CDYL: variants seen among roughly 807,000 people sequenced by gnomAD.
CDYL encodes the protein chromodomain Y like, also known as chromodomain Y-like protein.
CDYL carries 8 observed loss-of-function variants against 47.3 expected under a neutral mutation model. The observed-to-expected ratio is 0.17, with a 90% confidence interval of 0.10 to 0.31. CDYL has a LOEUF of 0.31. CDYL is among the 10% of genes least tolerant of loss of function. The pLI, the probability that CDYL is intolerant of heterozygous loss-of-function variation, is 1.00. For synonymous variants in CDYL, 266 were observed against 265.0 expected (o/e 1.00, Z -0.04); for missense variants, 471 against 701.4 (o/e 0.67, Z 3.71).
At chr6:4,806,585 C>CT (rs1759377331) in intron 1 of CDYL, among the ~76,000 whole-genome samples, 1 of 152,178 alleles carries the variant, frequency 6.6e-6, no homozygotes, top group Non-Finnish European at 1.5e-5. Context: ...TTGGGAGGAG[C>CT]TATGCAGGCT....
intron 2 of CDYL, among the ~76,000 whole-genome samples, chr6:4,908,970 C>T (rs985423624): frequency 2.0e-5 from 3 of 152,186 alleles, no homozygotes; most frequent in Admixed American, 6.5e-5. Flanking sequence ...TTAGACTAGA[C>T]GTGGGATTTA....
At chr6:4,763,706 G>A (rs1041606717) in intron 3 of CDYL, among the ~76,000 whole-genome samples, 4 of 152,160 alleles carry the variant, frequency 2.6e-5, no homozygotes, top group Admixed American at 6.6e-5. Flanking sequence ...ACTTTGGGAG[G>A]CCAACATGGG....
At chr6:4,709,657 GTC>G (rs1305465048) in intron 1 of CDYL, among the ~76,000 whole-genome samples, 2 of 152,142 alleles carry the variant, frequency 1.3e-5, no homozygotes, top group Non-Finnish European at 2.9e-5. Context: ...GGGAACCTCT[GTC>G]TCTCTATTCT....
At chr6:4,911,418 A>G (rs1757412090) in intron 2 of CDYL, among the ~76,000 whole-genome samples, 1 of 152,232 alleles carries the variant, frequency 6.6e-6, no homozygotes, top group Admixed American at 6.5e-5. Flanking sequence ...ATAACTGTGC[A>G]CGGTAATGAG....
At chr6:4,917,173 G>A (rs74699274) in intron 2 of CDYL, among the ~76,000 whole-genome samples, 4,886 of 152,268 alleles carry the variant, frequency 0.032, 86 homozygotes, top group Middle Eastern at 0.082. Flanking sequence ...GAGTGTCTAT[G>A]TGTGTGTTGG....
At position 4,801,356 on chromosome 6, in the gene CDYL, G is replaced by A. The variant is rs1040328708; in HGVS notation, c.24+24549G>A. ...TGAAGTCTGTTAAATCCAACATTTC[G>A]GCTCACTTGGAATCAGTTTCTGTTG... On this transcript the variant is annotated intron_variant, in intron 1 of 6. Coordinates refer to ENST00000397588, the MANE Select transcript of CDYL (RefSeq NM_004824.4). Among the ~76,000 whole-genome samples the A allele has an allele frequency of 2.0e-5, 3 of 152,074 alleles. 1 individual carries two copies. The highest frequency in any genetic ancestry group is 3.9e-4 in the East Asian group (2 of 5,172).
At position 4,727,347 on chromosome 6, in the gene CDYL, A is replaced by C. The variant is rs375455453; in HGVS notation, c.104-7415A>C. ...GGAAGCTCATGGATGTATGCAGAGG[A>C]ACTTAAGAACTCCTCTCAAACACTG... On this transcript the variant is annotated intron_variant, in intron 2 of 8. Transcript: ENST00000328908. 5.9e-5 allele frequency among the ~76,000 whole-genome samples: 9 copies of C among 152,240 alleles called. No homozygotes were observed. In the East Asian group the frequency reaches 1.2e-3, roughly 20 times the overall value.
chr6:4,808,980 GCTGTGCA>G (rs1232605974), intron 1 of CDYL, among the ~76,000 whole-genome samples: 6 of 152,138 alleles, frequency 3.9e-5, no homozygotes, highest in Non-Finnish European at 7.3e-5. Context: ...AAGCGTGAGA[GCTGTGCA>G]CCAGGGTATA....
intron 1 of CDYL, among the ~76,000 whole-genome samples, chr6:4,844,511 C>T (rs1760596640): frequency 6.6e-6 from 1 of 152,102 alleles, no homozygotes; most frequent in African/African-American, 2.4e-5. Flanking sequence ...GAGGTGAGTC[C>T]CCACACGCTG....
chr6:4,788,715 CT>C lies in CDYL; in HGVS notation c.24+11911del, dbSNP rs1451384082. 3.3e-5 allele frequency among the ~76,000 whole-genome samples: 5 copies of C among 151,554 alleles called. No homozygotes were observed. The East Asian group carries it at 9.7e-4, about 29-fold the overall frequency. On this transcript the variant is annotated intron_variant, in intron 1 of 6. Transcript: ENST00000397588. ...AACTGTAAGGATGGAAATTCCAATC[CT>C]TTCTGTGCTTCCCCACCACCATTCG...
chr6:4,757,766 G>T (rs947207954), intron 3 of CDYL, among the ~76,000 whole-genome samples: 1 of 152,222 alleles, frequency 6.6e-6, no homozygotes, highest in East Asian at 1.9e-4. Context: ...GCCAGGTGTG[G>T]TAGTTCATGC....
chr6:4,858,413 C>T (rs1205467060), intron 1 of CDYL, among the ~76,000 whole-genome samples: 1 of 152,206 alleles, frequency 6.6e-6, no homozygotes, highest in East Asian at 1.9e-4. Context: ...CACACCCAAA[C>T]ACTTCCACTA....
intron 3 of CDYL, among the ~76,000 whole-genome samples, chr6:4,767,562 G>A (rs1321479159): frequency 1.3e-5 from 2 of 150,882 alleles, no homozygotes; most frequent in Non-Finnish European, 3.0e-5. Context: ...GACAGAGTAA[G>A]ACACCCTCGA....
intron 1 of CDYL, among the ~76,000 whole-genome samples, chr6:4,849,373 AC>A (rs1347543331): frequency 6.6e-6 from 1 of 152,204 alleles, no homozygotes; most frequent in African/African-American, 2.4e-5. Flanking sequence ...ATGAAAACAT[AC>A]CTTAATGATT....
intron 2 of CDYL, among the ~76,000 whole-genome samples, chr6:4,717,701 C>CAAAAA: frequency 2.9e-5 from 1 of 34,800 alleles, no homozygotes; most frequent in African/African-American, 2.7e-4. Flanking sequence ...CAAAGACCCT[C>CAAAAA]ACAAAAAAAA....
intron 2 of CDYL, among the ~76,000 whole-genome samples, chr6:4,917,513 TTATG>T (rs1757591282): frequency 6.6e-6 from 1 of 152,220 alleles, no homozygotes; most frequent in Non-Finnish European, 1.5e-5. Context: ...TAGAGCCTCA[TTATG>T]ATAGCAGTTG....
At chr6:4,712,880 A>T (rs1757177294) in intron 1 of CDYL, among the ~76,000 whole-genome samples, 1 of 152,212 alleles carries the variant, frequency 6.6e-6, no homozygotes, top group Non-Finnish European at 1.5e-5. Context: ...GAGCCTGGGC[A>T]CTGTGGATGT....
intron 1 of CDYL, among the ~76,000 whole-genome samples, chr6:4,848,450 T>C (rs960009828): frequency 8.5e-5 from 13 of 152,226 alleles, no homozygotes; most frequent in African/African-American, 3.1e-4. Flanking sequence ...AAGCCCGATG[T>C]ATGCCTCCTA....
At chr6:4,745,244 G>A (rs1757868344) in intron 3 of CDYL, among the ~76,000 whole-genome samples, 1 of 152,136 alleles carries the variant, frequency 6.6e-6, no homozygotes, top group Non-Finnish European at 1.5e-5. Context: ...ACAGGCCTGA[G>A]CCACCTCGCC....
Sources: gnomAD v4.1 joint callset for allele counts (sites outside exome capture counted in the v4.1 genomes callset) on GRCh38, gnomAD v4.1.1 for gene constraint, MANE v1.5 for transcripts, NCBI Gene and HGNC (gene_info 2026-07-23, HGNC 2026-07-21) for gene names.